EXOC2: variants seen among roughly 807,000 people sequenced by gnomAD.
EXOC2 encodes exocyst complex component 2.
In EXOC2, 70 loss-of-function variants were observed where a neutral mutation model predicts 131.8. The ratio of observed to expected loss-of-function variants is 0.53; its 90% CI spans 0.44 to 0.65. The LOEUF (loss-of-function observed/expected upper bound fraction) is 0.65, where lower values mean the gene tolerates loss of function less well. EXOC2 is among the 30% of genes least tolerant of loss of function. The probability of loss-of-function intolerance (pLI) is 0.00; values close to 1 mark genes in which losing one functional copy is unlikely to be tolerated. For missense variants in EXOC2, 923 were observed against 1,108.6 expected, an observed-to-expected ratio of 0.83 and a Z score of 2.38; for synonymous variants, 411 against 398.4, an observed-to-expected ratio of 1.03 and a Z score of -0.38.
chr6:637,422 A>C (rs562424820), intron 2 of EXOC2, among the ~76,000 whole-genome samples: 2 of 152,258 alleles, frequency 1.3e-5, no homozygotes, highest in African/African-American at 2.4e-5. Context: ...TCTTTTGACA[A>C]TCAAGACATC....
chr6:681,452 G>C (rs568095836), intron 1 of EXOC2, among the ~76,000 whole-genome samples: 5 of 152,066 alleles, frequency 3.3e-5, no homozygotes, highest in Non-Finnish European at 7.4e-5. Context: ...TTAATGCTGT[G>C]TCTCCTTTCT....
chr6:637,564 GTCTTTTTGGAGCATTCTGTAGAGA>G, intron 2 of EXOC2, 113 bp downstream of exon 2: 1 of 567,942 alleles, frequency 1.8e-6, no homozygotes, highest in Non-Finnish European at 2.9e-6. Context: ...TAATTCTTTC[GTCTTTTTGGAGCATTCTGTAGAGA>G]TCACAAAGAT....
chr6:673,252 CAAAAAAAAAAAAAAAAAAAAAAAAAA>C (rs56189394), intron 1 of EXOC2, among the ~76,000 whole-genome samples: 8 of 64,282 alleles, frequency 1.2e-4, no homozygotes, highest in African/African-American at 1.4e-4. Flanking sequence ...ACTCCATAGC[CAAAAAAAAAAAAAAAAAAAAAAAAAA>C]AAAAAAAAAA....
At chr6:500,233 G>T (rs1763965909) in intron 23 of EXOC2, among the ~76,000 whole-genome samples, 1 of 152,152 alleles carries the variant, frequency 6.6e-6, no homozygotes, top group Admixed American at 6.5e-5. Context: ...TTGAGCAGAA[G>T]GACCATTTTT....
rs376552752 is a variant in EXOC2 at position 637,711 on chromosome 6, G to A, written c.108C>T (p.Thr36=). The A allele has an allele frequency of 2.6e-5, 42 of 1,613,092 alleles. No homozygotes were observed. Among genetic ancestry groups the A allele is most frequent in the South Asian group, 1.9e-4 (17 of 90,898 alleles). The change falls in exon 2 of 28, where the codon ACC becomes ACT. Residue 36 remains threonine (T), a synonymous_variant. Transcript: ENST00000230449. The part of the protein sequence containing the change: ...IRGENLGTGP[T]DLIGLTICGH... ...GGCCTCTGCCCTTACCTATGAGGTC[G>A]GTGGGGCCAGTCCCCAGATTTTCTC...
intron 7 of EXOC2, among the ~76,000 whole-genome samples, chr6:602,816 G>A (rs1406999281): frequency 1.3e-5 from 2 of 152,114 alleles, no homozygotes; most frequent in African/African-American, 4.8e-5. Context: ...CGGGTCTGTG[G>A]AGCAGTAAAA....
chr6:559,765 C>T (rs140752480), intron 17 of EXOC2, among the ~76,000 whole-genome samples: 236 of 152,320 alleles, frequency 1.5e-3, no homozygotes, highest in African/African-American at 5.5e-3. Context: ...GAAGCACACA[C>T]TGGCTGACCA....
At chr6:591,997 T>C (rs1334185939) in intron 11 of EXOC2, among the ~76,000 whole-genome samples, 1 of 152,204 alleles carries the variant, frequency 6.6e-6, no homozygotes, top group East Asian at 1.9e-4. Context: ...TACTCCCTTT[T>C]GGAACATCTT....
intron 9 of EXOC2, among the ~76,000 whole-genome samples, chr6:598,559 C>T (rs1759948716): frequency 6.6e-6 from 1 of 152,106 alleles, no homozygotes; most frequent in African/African-American, 2.4e-5. Context: ...TGTAGGTTTC[C>T]ATCTCTAGAA....
At position 610,196 on chromosome 6, in the gene EXOC2, G is replaced by T. The variant is rs1185616694; in HGVS notation, c.662-18C>A. 1 of 1,607,764 alleles carries T rather than the reference G, an allele frequency of 6.2e-7. No homozygotes were observed. The highest frequency in any genetic ancestry group is 1.1e-5 in the South Asian group (1 of 90,766). On this transcript the variant is annotated intron_variant, in intron 6 of 27. Transcript: ENST00000230449. ...ATGGATGGCTAGAAAAAAAAATCTA[G>T]TTAAAATGTAGGCCATTTTAATGGG...
intron 8 of EXOC2, 32 bp from the exon 9 acceptor site, chr6:598,973 C>A: frequency 1.3e-6 from 2 of 1,575,402 alleles, no homozygotes; most frequent in South Asian, 1.2e-5. Context: ...TGAAAACTGT[C>A]AGTAATGCAA....
intron 26 of EXOC2, among the ~76,000 whole-genome samples, chr6:489,915 C>T (rs369632210): frequency 7.5e-4 from 114 of 152,282 alleles, no homozygotes; most frequent in African/African-American, 2.6e-3. Context: ...TCATAAAACC[C>T]GGTGCTGGGC....
intron 4 of EXOC2, among the ~76,000 whole-genome samples, chr6:628,595 A>G (rs1280337343): frequency 1.3e-5 from 2 of 152,188 alleles, no homozygotes; most frequent in African/African-American, 2.4e-5. Context: ...CATACTAAAT[A>G]TATTTTGTAT....
intron 23 of EXOC2, among the ~76,000 whole-genome samples, chr6:515,160 A>G (rs1765072839): frequency 6.6e-6 from 1 of 152,174 alleles, no homozygotes; most frequent in African/African-American, 2.4e-5. Flanking sequence ...CACATTTTTC[A>G]GCTGAGCTCT....
At chr6:535,842 A>C (rs1053367817) in intron 22 of EXOC2, among the ~76,000 whole-genome samples, 1 of 152,250 alleles carries the variant, frequency 6.6e-6, no homozygotes, top group African/African-American at 2.4e-5. Flanking sequence ...AGATATTGTA[A>C]GAAAAAAATC....
chr6:597,182 T>A (rs1759865158), intron 10 of EXOC2, among the ~76,000 whole-genome samples: 1 of 148,966 alleles, frequency 6.7e-6, no homozygotes, highest in African/African-American at 2.5e-5. Context: ...TCACTGCAAA[T>A]TTTTTTTTTT....
At chr6:630,881 G>T (rs1318299118) in intron 3 of EXOC2, among the ~76,000 whole-genome samples, 1 of 152,192 alleles carries the variant, frequency 6.6e-6, no homozygotes, top group Non-Finnish European at 1.5e-5. Context: ...AAATAACCAG[G>T]TTATTCAGGG....
chr6:521,763 A>G (rs1765480753), intron 23 of EXOC2, among the ~76,000 whole-genome samples: 1 of 152,090 alleles, frequency 6.6e-6, no homozygotes, highest in African/African-American at 2.4e-5. Context: ...CCTGGGCTCA[A>G]GCGATTCACC....
intron 1 of EXOC2, among the ~76,000 whole-genome samples, chr6:639,845 C>T (rs559010298): frequency 3.3e-5 from 5 of 152,226 alleles, no homozygotes; most frequent in South Asian, 2.1e-4. Flanking sequence ...AGGGCAGACA[C>T]ATTTCTTTAA....
Sources: gnomAD v4.1 joint callset for allele counts (sites outside exome capture counted in the v4.1 genomes callset) on GRCh38, gnomAD v4.1.1 for gene constraint, MANE v1.5 for transcripts, NCBI Gene and HGNC (gene_info 2026-07-23, HGNC 2026-07-21) for gene names.